Variants in ABCA13 observed in about 807,000 individuals in gnomAD.
ABCA13 encodes the protein ATP binding cassette subfamily A member 13, also known as ATP-binding cassette sub-family A member 13.
Under a neutral mutation model 478.7 loss-of-function variants are expected in ABCA13, and 476 were observed. The observed-to-expected ratio is 0.99, with a 90% CI of 0.92 to 1.07. The LOEUF is 1.07. ABCA13 is among the 50% of genes least tolerant of loss of function. The pLI, the probability that ABCA13 is intolerant of heterozygous loss-of-function variation, is 0.00. For synonymous variants in ABCA13, 2,252 were observed against 2,158.9 expected (o/e 1.04, Z -1.20); for missense variants, 6,060 against 5,910.6 (o/e 1.03, Z -0.83).
chr7:48,423,961 G>A (rs1363200017), intron 41 of ABCA13, among the ~76,000 whole-genome samples: 1 of 152,202 alleles, frequency 6.6e-6, no homozygotes. Flanking sequence ...GTATGAAAGT[G>A]GGAAGGTGTA....
Position 48,541,788 on chromosome 7 carries a change from T to C in ABCA13, c.14354+13443T>C, listed in dbSNP as rs186967867. On this transcript the variant is annotated intron_variant, in intron 55 of 61. Coordinates refer to ENST00000435803, the MANE Select transcript of ABCA13 (RefSeq NM_152701.5). ...TATATATCTTAGTTATATCTATATA[T>C]ATATTTTAAAAGGAAAGTTGACAGA... 1.9e-3 allele frequency among the ~76,000 whole-genome samples: 286 copies of C among 146,768 alleles called. 4 individuals are homozygous for C. Among genetic ancestry groups the C allele is most frequent in the African/African-American group, 6.7e-3 (274 of 41,054 alleles).
intron 10 of ABCA13, among the ~76,000 whole-genome samples, 157 bp from the exon 11 acceptor site, chr7:48,244,419 G>T (rs77403635): frequency 6.6e-6 from 1 of 152,200 alleles, no homozygotes; most frequent in Non-Finnish European, 1.5e-5. Flanking sequence ...AATGCAATTT[G>T]TCAAGAACCT....
At chr7:48,508,613 A>G (rs1831418027) in intron 50 of ABCA13, among the ~76,000 whole-genome samples, 1 of 152,176 alleles carries the variant, frequency 6.6e-6, no homozygotes, top group African/African-American at 2.4e-5. Context: ...CTTATATGAT[A>G]AGTTGTTCTT....
At chr7:48,243,621 A>G (rs1791211341) in intron 10 of ABCA13, among the ~76,000 whole-genome samples, 1 of 152,178 alleles carries the variant, frequency 6.6e-6, no homozygotes. Context: ...TATACCCTTT[A>G]CGGTGCTTGG....
intron 29 of ABCA13, among the ~76,000 whole-genome samples, chr7:48,346,191 A>G (rs1808071563): frequency 6.6e-6 from 1 of 152,182 alleles, no homozygotes; most frequent in African/African-American, 2.4e-5. Context: ...CATCCTCATG[A>G]TTAAGTGATG....
chr7:48,200,645 GA>G (rs1198557884), intron 3 of ABCA13, among the ~76,000 whole-genome samples: 1 of 152,148 alleles, frequency 6.6e-6, no homozygotes, highest in African/African-American at 2.4e-5. Flanking sequence ...ATAAAATAGG[GA>G]AAGGAAATTG....
At chr7:48,474,138 C>T (rs555198133) in intron 45 of ABCA13, among the ~76,000 whole-genome samples, 27 of 152,192 alleles carry the variant, frequency 1.8e-4, no homozygotes, top group African/African-American at 6.5e-4. Context: ...CTTTCACCCT[C>T]TGAAGCTTCA....
intron 42 of ABCA13, among the ~76,000 whole-genome samples, chr7:48,431,963 C>T (rs941053176): frequency 6.6e-6 from 1 of 152,188 alleles, no homozygotes. Flanking sequence ...TCCTAGAGGT[C>T]CTCTGGTTTG....
chr7:48,276,264 G>T lies in ABCA13; in HGVS notation c.6598G>T (p.Val2200Phe), dbSNP rs867989278. ...LNQEQLTNFS[V>F]VQLLFENILI... ...TCAAGAACAGCTGACTAATTTCTCA[G>T]TTGTTCAGCTGCTTTTTGAAAACAT... Residue 2200 changes from valine (V) to phenylalanine (F), a missense_variant, in exon 17 of 62, where the codon GTT becomes TTT. By Grantham distance (50) the Val-to-Phe change is conservative. Transcript: ENST00000435803. 5 of 1,569,042 alleles carry T rather than the reference G, an allele frequency of 3.2e-6. No individual in the cohort carries two copies. The highest frequency in any genetic ancestry group is 4.3e-6 in the Non-Finnish European group (5 of 1,156,196).
chr7:48,481,048 A>G lies in ABCA13; in HGVS notation c.12988A>G (p.Arg4330Gly), dbSNP rs1828701880. Residue 4330 changes from arginine to glycine, a missense_variant, in exon 46 of 62, where the codon AGA becomes GGA. Transcript: ENST00000435803. The part of the protein sequence containing the change: ...DSCGCLKCPN[R>G]SASAPYLTNH... ...AAAACAATTTCAGAAGTGTCCAAAT[A>G]GAAGTGCTAGTGCTCCCTACCTGAC... 2.5e-6 allele frequency: 4 copies of G among 1,593,452 alleles called. No individual in the cohort carries two copies. The highest frequency in any genetic ancestry group is 1.3e-5 in the African/African-American group (1 of 74,532).
In ABCA13 at chr7:48,426,389, C is replaced by T. The variant is rs1455047219; in HGVS notation, c.12460-1377C>T. On this transcript the variant is annotated intron_variant, in intron 41 of 61. Transcript: ENST00000435803. ...GGCTTCTTCTTTCTGGTGCCTTCCC[C>T]CATCTTTCCCTGTGGTTAGGGGCTC... is the stretch of plus-strand genomic sequence containing the variant. 1.3e-5 allele frequency among the ~76,000 whole-genome samples: 2 copies of T among 152,216 alleles called. 1 individual carries two copies. The highest frequency in any genetic ancestry group is 2.9e-5 in the Non-Finnish European group (2 of 68,042).
chr7:48,549,400 C>A (rs7810275), intron 55 of ABCA13, among the ~76,000 whole-genome samples: 2 of 151,646 alleles, frequency 1.3e-5, no homozygotes, highest in African/African-American at 4.8e-5. Flanking sequence ...TGATCTCGTT[C>A]TTTTTTATGG....
chr7:48,575,516 G>A (rs1021377095), intron 55 of ABCA13, among the ~76,000 whole-genome samples: 4 of 152,124 alleles, frequency 2.6e-5, no homozygotes, highest in Non-Finnish European at 5.9e-5. Context: ...AGAATTAAAA[G>A]TGCGGAATAT....
At chr7:48,222,204 G>T (rs769438459) in intron 5 of ABCA13, among the ~76,000 whole-genome samples, 14 of 152,128 alleles carry the variant, frequency 9.2e-5, no homozygotes, top group Non-Finnish European at 1.3e-4. Context: ...GGAGATTTCT[G>T]ATGCACCAGG....
chr7:48,305,929 G>T (rs770407921), intron 23 of ABCA13, among the ~76,000 whole-genome samples: 4 of 152,166 alleles, frequency 2.6e-5, no homozygotes, highest in African/African-American at 9.7e-5. Flanking sequence ...ATAATTTGCA[G>T]CATTAGCCTA....
At chr7:48,251,891 G>A (rs1792619764) in intron 15 of ABCA13, among the ~76,000 whole-genome samples, 2 of 152,026 alleles carry the variant, frequency 1.3e-5, no homozygotes, top group African/African-American at 4.8e-5. Context: ...AAGTCAGTTG[G>A]TAATCTTATA....
chr7:48,535,541 G>T (rs1361676021), intron 55 of ABCA13, among the ~76,000 whole-genome samples: 1 of 152,184 alleles, frequency 6.6e-6, no homozygotes, highest in Non-Finnish European at 1.5e-5. Flanking sequence ...GTGGAAGAAG[G>T]ATCAGGTGGT....
In ABCA13 at chr7:48,328,970, A is replaced by G. The variant is rs529640001; in HGVS notation, c.10000-6452A>G. Among the ~76,000 whole-genome samples the G allele has an allele frequency of 1.6e-4, 24 of 152,300 alleles. No individual in the cohort carries two copies. The South Asian group carries it at 3.1e-3, about 20-fold the overall frequency. On this transcript the variant is annotated intron_variant, in intron 27 of 61. Transcript: ENST00000435803. The stretch of plus-strand genomic sequence containing the variant: ...TGAAGTCTTTGAGGCCATGTTGGGA[A>G]TATCTATCAATACTACAAAGACAGC...
In ABCA13 at chr7:48,389,167, A is replaced by G; in HGVS notation, c.11601A>G (p.Arg3867=). The part of the protein sequence containing the change: ...VVQDLSLTFY[R]DQITALLGTN... ...AAGACCTCAGCCTGACCTTCTACAGAGACCAAATCACCGCCCTGCTGGGGA... is the reference window on the plus strand; with the variant it reads ...AAGACCTCAGCCTGACCTTCTACAGGGACCAAATCACCGCCCTGCTGGGGA... Residue 3867 remains arginine (R), a synonymous_variant, in exon 37 of 62, where the codon AGA becomes AGG. Transcript: ENST00000435803. 1.9e-6 allele frequency: 3 copies of G among 1,613,956 alleles called. No homozygotes were observed. The highest frequency in any genetic ancestry group is 2.5e-6 in the Non-Finnish European group (3 of 1,179,856).
Sources: allele counts gnomAD v4.1 joint callset (sites outside exome capture counted in the v4.1 genomes callset), GRCh38; gene constraint gnomAD v4.1.1; transcripts MANE v1.5; gene names NCBI Gene and HGNC (gene_info 2026-07-23, HGNC 2026-07-21).